The following DLG2 variants were observed in gnomAD, a reference collection of about 807,000 sequenced individuals.
DLG2 encodes disks large homolog 2.
DLG2 carries 45 observed loss-of-function variants against 132.5 expected under a neutral mutation model. That is an observed-to-expected ratio of 0.34 (90% CI 0.27 to 0.44). DLG2 has a LOEUF of 0.44. Among genes scored for constraint, DLG2 ranks in the 20% least tolerant of loss-of-function variants. DLG2 has a pLI of 1.00. For synonymous variants in DLG2, 424 were observed against 419.6 expected (o/e 1.01, Z -0.13); for missense variants, 1,045 against 1,196.9 (o/e 0.87, Z 1.87).
chr11:85,272,128 A>G (rs908930564), intron 4 of DLG2, among the ~76,000 whole-genome samples: 1 of 152,154 alleles, frequency 6.6e-6, no homozygotes, highest in Non-Finnish European at 1.5e-5. Flanking sequence ...GGTCTTTCCC[A>G]TGCTATTCTC....
chr11:83,679,999 C>T (rs1221539759), intron 18 of DLG2, among the ~76,000 whole-genome samples: 1 of 152,140 alleles, frequency 6.6e-6, no homozygotes, highest in East Asian at 1.9e-4. Flanking sequence ...TTGCCTCTTT[C>T]GCTTTTAATC....
intron 15 of DLG2, among the ~76,000 whole-genome samples, chr11:83,902,992 T>C (rs1368155491): frequency 1.3e-5 from 2 of 152,162 alleles, no homozygotes; most frequent in Non-Finnish European, 2.9e-5. Flanking sequence ...TCTATGATCA[T>C]AGCACCGTCC....
intron 3 of DLG2, among the ~76,000 whole-genome samples, chr11:85,479,339 A>G (rs2093228567): frequency 6.6e-6 from 1 of 152,198 alleles, no homozygotes; most frequent in Non-Finnish European, 1.5e-5. Context: ...CTCAAATGGC[A>G]AAAAGGGCAA....
chr11:84,230,817 G>A (rs1224910036), intron 8 of DLG2, among the ~76,000 whole-genome samples: 1 of 152,142 alleles, frequency 6.6e-6, no homozygotes, highest in Non-Finnish European at 1.5e-5. Context: ...AATTAACAGT[G>A]GAGACAAGGC....
At chr11:83,587,940 A>C (rs1419937454) in intron 19 of DLG2, among the ~76,000 whole-genome samples, 1 of 152,214 alleles carries the variant, frequency 6.6e-6, no homozygotes, top group African/African-American at 2.4e-5. Flanking sequence ...CCATGGGCTT[A>C]AAAAATGGCG....
intron 6 of DLG2, among the ~76,000 whole-genome samples, chr11:84,822,847 C>T (rs1376023047): frequency 1.3e-5 from 2 of 151,886 alleles, no homozygotes; most frequent in Non-Finnish European, 2.9e-5. Flanking sequence ...TCTAAATTCT[C>T]CTAACTTAAT....
chr11:83,630,800 G>C (rs1196422713), intron 19 of DLG2, among the ~76,000 whole-genome samples: 1 of 152,146 alleles, frequency 6.6e-6, no homozygotes, highest in Admixed American at 6.6e-5. Context: ...TCAGGTCTCA[G>C]TTTCCTCTTC....
intron 6 of DLG2, among the ~76,000 whole-genome samples, chr11:84,781,407 T>C (rs1020047162): frequency 1.3e-5 from 2 of 152,052 alleles, no homozygotes; most frequent in African/African-American, 4.8e-5. Flanking sequence ...ACATAGGACC[T>C]CCTCCCTGAG....
intron 7 of DLG2, among the ~76,000 whole-genome samples, chr11:84,333,733 T>C (rs919080643): frequency 6.6e-6 from 1 of 152,322 alleles, no homozygotes; most frequent in African/African-American, 2.4e-5. Context: ...TTCAGTTCTC[T>C]GAAAATCAGT....
intron 6 of DLG2, among the ~76,000 whole-genome samples, chr11:84,718,288 G>A (rs747306845): frequency 1.3e-5 from 2 of 151,894 alleles, no homozygotes; most frequent in African/African-American, 2.4e-5. Flanking sequence ...TTCAAAAAAC[G>A]ATGTCTGCAA....
At chr11:85,229,850 G>A (rs900294592) in intron 4 of DLG2, among the ~76,000 whole-genome samples, 15 of 152,086 alleles carry the variant, frequency 9.9e-5, no homozygotes, top group Admixed American at 9.2e-4. Flanking sequence ...GGACATGGAT[G>A]AAGCTGGAAA....
intron 18 of DLG2, among the ~76,000 whole-genome samples, chr11:83,736,622 G>A (rs1042314732): frequency 2.0e-5 from 3 of 152,086 alleles, no homozygotes; most frequent in African/African-American, 7.2e-5. Context: ...CCTAGCAACA[G>A]AAATCAACTG....
At chr11:85,139,824 ATTT>A (rs1204071155) in intron 5 of DLG2, among the ~76,000 whole-genome samples, 2 of 151,878 alleles carry the variant, frequency 1.3e-5, no homozygotes, top group Admixed American at 6.6e-5. Context: ...CTGTGTGTGT[ATTT>A]TTTAAATTTT....
chr11:84,146,441 A>G (rs1257888326), intron 9 of DLG2, among the ~76,000 whole-genome samples: 1 of 152,130 alleles, frequency 6.6e-6, no homozygotes, highest in African/African-American at 2.4e-5. Context: ...CTGTATCAAA[A>G]CATCTCATGT....
intron 3 of DLG2, among the ~76,000 whole-genome samples, chr11:85,413,248 T>C (rs1283399356): frequency 6.6e-6 from 1 of 151,938 alleles, no homozygotes; most frequent in East Asian, 1.9e-4. Context: ...GCCCACTTTT[T>C]GATGAAATTG....
chr11:85,003,342 A>G (rs1008513254), intron 6 of DLG2, among the ~76,000 whole-genome samples: 1 of 152,168 alleles, frequency 6.6e-6, no homozygotes, highest in Non-Finnish European at 1.5e-5. Context: ...AATATTCAGA[A>G]GTAGTTAATA....
At chr11:83,702,396 C>G (rs1375019462) in intron 18 of DLG2, among the ~76,000 whole-genome samples, 2 of 152,198 alleles carry the variant, frequency 1.3e-5, no homozygotes. Context: ...TGTGACTTAT[C>G]TCATGGGGTG....
intron 5 of DLG2, chr11:85,133,078 C>T (rs1220131868): frequency 3.0e-6 from 1 of 335,250 alleles, no homozygotes; most frequent in African/African-American, 2.1e-5. Context: ...TTAGCGGATT[C>T]CTTGATTGGA....
intron 17 of DLG2, among the ~76,000 whole-genome samples, chr11:83,794,437 GT>G (rs200672667): frequency 7.8e-4 from 99 of 127,410 alleles, no homozygotes; most frequent in Admixed American, 1.1e-3. Context: ...TTTACTATTG[GT>G]TTTTTTTTTT....
Sources: allele counts gnomAD v4.1 joint callset (sites outside exome capture counted in the v4.1 genomes callset), GRCh38; gene constraint gnomAD v4.1.1; transcripts MANE v1.5; gene names NCBI Gene and HGNC (gene_info 2026-07-23, HGNC 2026-07-21).